Variants in NEMF observed in about 807,000 individuals in gnomAD.
The protein encoded by NEMF is nuclear export mediator factor.
A neutral mutation model predicts 162.2 loss-of-function variants in NEMF; 89 were observed. The ratio of observed to expected loss-of-function variants is 0.55; its 90% confidence interval spans 0.46 to 0.65. The LOEUF (loss-of-function observed/expected upper bound fraction) is 0.65, where lower values mean the gene tolerates loss of function less well. Among genes scored for constraint, NEMF ranks in the 30% least tolerant of loss-of-function variants. The probability of loss-of-function intolerance (pLI) is 0.00; values close to 1 mark genes in which losing one functional copy is unlikely to be tolerated. For missense variants in NEMF, 1,133 were observed against 1,261.9 expected, an observed-to-expected ratio of 0.90 and a Z score of 1.55; for synonymous variants, 421 against 404.5, an observed-to-expected ratio of 1.04 and a Z score of -0.49.
intron 25 of NEMF, chr14:49,796,238 T>C (rs972443877): frequency 4.0e-6 from 2 of 500,818 alleles, no homozygotes; most frequent in Non-Finnish European, 3.9e-6. Context: ...ATCACCTTGA[T>C]GGCCAGGCAC....
intron 1 of NEMF, 67 bp from the exon 2 acceptor site, chr14:49,851,942 T>A: frequency 2.0e-6 from 2 of 979,646 alleles, no homozygotes; most frequent in Admixed American, 2.5e-5. Context: ...ACACATAATT[T>A]AATAAAAGCT....
intron 26 of NEMF, among the ~76,000 whole-genome samples, chr14:49,793,726 G>A (rs563173159): frequency 6.6e-5 from 10 of 151,910 alleles, no homozygotes; most frequent in East Asian, 3.8e-4. Context: ...TCCTCGTTGC[G>A]TACCCATAAT....
At chr14:49,834,482 T>C in intron 6 of NEMF, 33 bp from the exon 7 acceptor site, 1 of 1,381,278 alleles carries the variant, frequency 7.2e-7, no homozygotes, top group Non-Finnish European at 1.0e-6. Context: ...TTTTAGTATT[T>C]TCCTATAAAT....
At chr14:49,846,699 A>C (rs1469783310) in intron 3 of NEMF, among the ~76,000 whole-genome samples, 2 of 152,248 alleles carry the variant, frequency 1.3e-5, no homozygotes, top group Admixed American at 1.3e-4. Flanking sequence ...TCCTGGGCAC[A>C]AGCAATCCTC....
At chr14:49,819,117 A>T (rs1223428732) in intron 16 of NEMF, among the ~76,000 whole-genome samples, 2 of 152,130 alleles carry the variant, frequency 1.3e-5, no homozygotes, top group Non-Finnish European at 2.9e-5. Flanking sequence ...CTCCAAAAGA[A>T]AAAAAGAAAA....
chr14:49,787,976 A>G (rs1298038012), intron 28 of NEMF, among the ~76,000 whole-genome samples: 2 of 152,194 alleles, frequency 1.3e-5, no homozygotes, highest in East Asian at 3.8e-4. Flanking sequence ...CTCTATTTTA[A>G]GCCGTTATTA....
intron 26 of NEMF, among the ~76,000 whole-genome samples, chr14:49,795,227 A>G (rs1890635963): frequency 6.6e-6 from 1 of 151,932 alleles, no homozygotes; most frequent in African/African-American, 2.4e-5. Flanking sequence ...GGTCCCAGCT[A>G]CTTGGAAGAC....
chr14:49,818,400 A>C (rs1396273990), intron 16 of NEMF: 8 of 152,114 alleles, frequency 5.3e-5, no homozygotes, highest in African/African-American at 1.9e-4. Flanking sequence ...CTGTGATCAG[A>C]CTTAAGAAGC....
chr14:49,827,674 G>A (rs948915203), intron 15 of NEMF, among the ~76,000 whole-genome samples: 1 of 152,138 alleles, frequency 6.6e-6, no homozygotes, highest in Non-Finnish European at 1.5e-5. Context: ...TTAGCTGGGT[G>A]TGGTGGCGGG....
In NEMF at chr14:49,829,229, T is replaced by C. The variant is rs755644167; in HGVS notation, c.1057A>G (p.Met353Val). 7 of 1,614,062 alleles carry C rather than the reference T, an allele frequency of 4.3e-6. No individual in the cohort carries two copies. The highest frequency in any genetic ancestry group is 2.2e-5 in the East Asian group (1 of 44,894). ...IDKLKGELIE[M>V]NLQIVDRAIQ... ...GCTCTGTCAACTATTTGTAGGTTCATTTCTATGAGCTCTCCTTTCAGTTTG... is the reference window on the plus strand; with the variant it reads ...GCTCTGTCAACTATTTGTAGGTTCACTTCTATGAGCTCTCCTTTCAGTTTG... The change falls in exon 13 of 33, where the codon ATG becomes GTG. Residue 353 changes from methionine (M) to valine (V), a missense_variant. Physicochemically the swap from Met to Val is conservative, Grantham distance 21. This residue lies in a region of NEMF where 582 missense variants were observed against 631.5 expected (regional missense o/e 0.92). Transcript: ENST00000298310.
At chr14:49,832,988 G>A (rs545223312) in intron 8 of NEMF, among the ~76,000 whole-genome samples, 4 of 152,134 alleles carry the variant, frequency 2.6e-5, no homozygotes, top group South Asian at 4.2e-4. Flanking sequence ...ATCCTGGGCC[G>A]GGTGCAGTGG....
intron 3 of NEMF, among the ~76,000 whole-genome samples, chr14:49,848,399 C>A (rs888531293): frequency 1.3e-5 from 2 of 152,030 alleles, no homozygotes; most frequent in African/African-American, 2.4e-5. Context: ...TTACATGTAC[C>A]GTCTTTTTGT....
In NEMF at chr14:49,828,735, A is replaced by G. The variant is rs746547036; in HGVS notation, c.1305T>C (p.Thr435=). 1.3e-6 allele frequency: 2 copies of G among 1,595,016 alleles called. No individual in the cohort carries two copies. Among genetic ancestry groups the G allele is most frequent in the Non-Finnish European group, 1.7e-6 (2 of 1,168,480 alleles). Residue 435 remains threonine (T), a synonymous_variant, in exon 14 of 33, where the codon ACT becomes ACC. Transcript: ENST00000298310. ...DGDVNVEKNE[T]EPPKGKKKKQ... ...TTTTCTTTTTTCCTTTTGGTGGTTC[A>G]GTTTCATTTTTCTCAACATTGACGT... is the stretch of plus-strand genomic sequence containing the variant.
intron 16 of NEMF, among the ~76,000 whole-genome samples, chr14:49,821,701 C>A (rs1389894446): frequency 2.7e-4 from 39 of 142,090 alleles, no homozygotes; most frequent in Non-Finnish European, 6.0e-4. Flanking sequence ...CTCAGCCCCC[C>A]GCCCGGCCAG....
chr14:49,800,273 CAG>C (rs1311179695), intron 23 of NEMF, 145 bp downstream of exon 23: 7 of 713,030 alleles, frequency 9.8e-6, no homozygotes, highest in African/African-American at 5.4e-5. Flanking sequence ...AATTTCTTTG[CAG>C]AGAGACCCAA....
At position 49,784,400 on chromosome 14, in the gene NEMF, G is replaced by A; in HGVS notation, c.*236C>T. The A allele has an allele frequency of 2.4e-6, 1 of 409,212 alleles. No individual in the cohort carries two copies. The highest frequency in any genetic ancestry group is 4.0e-5 in the East Asian group (1 of 25,082). The allele number at this position is 409,212 out of a possible 1,614,324, so 25.3% of individuals were successfully genotyped here. On this transcript the variant is annotated 3_prime_UTR_variant, in exon 33 of 33. Transcript: ENST00000298310. ...AAGAAAATGTAGAATAACTACAGAT[G>A]TATATTAATTAGCATTTAACTGTCC...
chr14:49,784,725 A>C lies in NEMF; in HGVS notation c.3154-12T>G. The C allele has an allele frequency of 6.2e-7, 1 of 1,606,228 alleles. No homozygotes were observed. Among genetic ancestry groups the C allele is most frequent in the South Asian group, 1.1e-5 (1 of 90,360 alleles). ...GATAAATCTGTGTCCTAAAAAAAGA[A>C]AATTGCTGAATATCTTCACATCCTG... On this transcript the variant is annotated splice_polypyrimidine_tract_variant and intron_variant, in intron 32 of 32. Coordinates refer to ENST00000298310, the MANE Select transcript of NEMF (RefSeq NM_004713.6).
chr14:49,807,157 CTTCT>C (rs1891253879), intron 18 of NEMF, among the ~76,000 whole-genome samples: 1 of 152,114 alleles, frequency 6.6e-6, no homozygotes, highest in African/African-American at 2.4e-5. Flanking sequence ...TTAGGTTTGG[CTTCT>C]TTCACTTAGC....
At position 49,785,256 on chromosome 14, in the gene NEMF, G is replaced by C; in HGVS notation, c.2993C>G (p.Pro998Arg). 6.2e-7 allele frequency: 1 copy of C among 1,613,908 alleles called. No homozygotes were observed. The highest frequency in any genetic ancestry group is 1.1e-5 in the South Asian group (1 of 91,070). Residue 998 changes from proline to arginine, a missense_variant, in exon 30 of 33, where the codon CCA becomes CGA. Pro to Arg is a moderately radical substitution (Grantham distance 103, BLOSUM62 -2). Transcript: ENST00000298310. ...CATGGTGGTGTAAGGGGCACATATT[G>C]GAATGGCAAACAGTAGTACATCTTC... is the stretch of plus-strand genomic sequence containing the variant. ...HPEDVLLFAI[P>R]ICAPYTTMTN...
Sources: allele counts gnomAD v4.1 joint callset (sites outside exome capture counted in the v4.1 genomes callset), GRCh38; gene constraint gnomAD v4.1.1; regional missense constraint gnomAD v4.1.1; transcripts MANE v1.5; gene names NCBI Gene and HGNC (gene_info 2026-07-23, HGNC 2026-07-21).